Variants in BANK1 observed in about 807,000 individuals in gnomAD.
BANK1 encodes B cell scaffold protein with ankyrin repeats 1.
In BANK1, 95 loss-of-function variants were observed where a neutral mutation model predicts 94.5. That is an observed-to-expected ratio of 1.00 (90% CI 0.85 to 1.19). The LOEUF (loss-of-function observed/expected upper bound fraction) is 1.19. BANK1 is among the 50% of genes most tolerant of loss of function. The pLI is 0.00. For missense variants in BANK1, 987 were observed against 932.2 expected, an observed-to-expected ratio of 1.06 and a Z score of -0.77; for synonymous variants, 334 against 308.4, an observed-to-expected ratio of 1.08 and a Z score of -0.87.
rs1728374759 is a variant in BANK1 at position 102,060,319 on chromosome 4, C to T, written c.2078C>T (p.Ser693Phe). Residue 693 changes from serine to phenylalanine, a missense_variant, in exon 12 of 17, where the codon TCT becomes TTT. Coordinates refer to ENST00000322953, the MANE Select transcript of BANK1 (RefSeq NM_017935.5). ...GAGAAAGTAAAGAATGGGAAAATGTCTATGGATGAAGCTCTGGAGAAATTT... is the reference window on the plus strand; with the variant it reads ...GAGAAAGTAAAGAATGGGAAAATGTTTATGGATGAAGCTCTGGAGAAATTT... ...LQEKVKNGKM[S>F]MDEALEKFKH... 6.2e-7 allele frequency: 1 copy of T among 1,610,330 alleles called. No homozygotes were observed.
intron 7 of BANK1, among the ~76,000 whole-genome samples, chr4:101,984,594 T>C (rs1257859328): frequency 1.3e-5 from 2 of 152,102 alleles, no homozygotes; most frequent in Non-Finnish European, 1.5e-5. Context: ...GATAGTGTTA[T>C]GGAATAACAG....
chr4:102,060,130 A>G (rs1728363247), intron 11 of BANK1, 81 bp from the exon 12 acceptor site: 6 of 1,277,434 alleles, frequency 4.7e-6, no homozygotes, highest in Admixed American at 2.8e-5. Context: ...AGCTACTCCA[A>G]TGGCTTATTT....
At chr4:101,909,017 G>A (rs938756251) in intron 6 of BANK1, among the ~76,000 whole-genome samples, 1 of 152,188 alleles carries the variant, frequency 6.6e-6, no homozygotes, top group Non-Finnish European at 1.5e-5. Flanking sequence ...CAAGGATCTA[G>A]AACTAGAAAT....
chr4:101,872,490 C>T (rs1728328771), intron 5 of BANK1, among the ~76,000 whole-genome samples: 1 of 152,056 alleles, frequency 6.6e-6, no homozygotes, highest in Non-Finnish European at 1.5e-5. Flanking sequence ...GCATCTGGAC[C>T]ACACAGGGTA....
At chr4:101,965,979 C>A (rs961450764) in intron 7 of BANK1, among the ~76,000 whole-genome samples, 2 of 152,090 alleles carry the variant, frequency 1.3e-5, no homozygotes, top group Non-Finnish European at 2.9e-5. Flanking sequence ...GCTGCTTAAC[C>A]AAACCCAAAT....
intron 1 of BANK1, among the ~76,000 whole-genome samples, chr4:101,797,079 G>T (rs1220803400): frequency 1.3e-5 from 2 of 152,108 alleles, no homozygotes; most frequent in Non-Finnish European, 2.9e-5. Flanking sequence ...CTATTTTTCT[G>T]CAATGGAGTA....
intron 7 of BANK1, among the ~76,000 whole-genome samples, chr4:102,002,309 G>C (rs1430326306): frequency 6.6e-6 from 1 of 151,326 alleles, no homozygotes; most frequent in Non-Finnish European, 1.5e-5. Context: ...AATATTTCAT[G>C]TTTGATCTTG....
chr4:101,986,656 A>G (rs1725489926), intron 7 of BANK1, among the ~76,000 whole-genome samples: 1 of 151,384 alleles, frequency 6.6e-6, no homozygotes, highest in African/African-American at 2.4e-5. Context: ...CTACCCTATC[A>G]CCAATACCAC....
intron 13 of BANK1, among the ~76,000 whole-genome samples, chr4:102,065,093 G>A (rs1728547661): frequency 6.6e-6 from 1 of 152,222 alleles, no homozygotes; most frequent in Admixed American, 6.5e-5. Context: ...ACTAGAGGTT[G>A]AGCAGAGTTG....
intron 3 of BANK1, among the ~76,000 whole-genome samples, chr4:101,857,852 T>G (rs1347996322): frequency 1.3e-5 from 2 of 152,194 alleles, no homozygotes; most frequent in African/African-American, 2.4e-5. Flanking sequence ...TTACTTTCTA[T>G]AAGACTGGCA....
At chr4:101,907,218 G>T (rs182068706) in intron 6 of BANK1, among the ~76,000 whole-genome samples, 50 of 152,252 alleles carry the variant, frequency 3.3e-4, no homozygotes, top group African/African-American at 1.2e-3. Flanking sequence ...GATCAAGTGG[G>T]CTTCATCCCT....
intron 2 of BANK1, among the ~76,000 whole-genome samples, chr4:101,833,018 T>C (rs1288120787): frequency 1.3e-5 from 2 of 151,950 alleles, no homozygotes; most frequent in Non-Finnish European, 2.9e-5. Context: ...TTGCTCTTGT[T>C]GCCCAGGCTG....
At chr4:101,941,312 C>T (rs568531322) in intron 7 of BANK1, among the ~76,000 whole-genome samples, 4 of 151,686 alleles carry the variant, frequency 2.6e-5, no homozygotes, top group Non-Finnish European at 5.9e-5. Context: ...AATCATTTCT[C>T]AAGGAGCTCT....
intron 5 of BANK1, among the ~76,000 whole-genome samples, chr4:101,889,254 A>G (rs770807660): frequency 6.6e-6 from 1 of 152,066 alleles, no homozygotes; most frequent in Non-Finnish European, 1.5e-5. Context: ...TTGTATTGAT[A>G]TCTTTTTTTT....
At chr4:101,901,673 C>T (rs1020353511) in intron 6 of BANK1, among the ~76,000 whole-genome samples, 7 of 152,190 alleles carry the variant, frequency 4.6e-5, no homozygotes, top group Admixed American at 1.3e-4. Context: ...TGGGAGAACA[C>T]CAGCATTAAG....
At chr4:101,949,872 T>C (rs1724072546) in intron 7 of BANK1, among the ~76,000 whole-genome samples, 1 of 152,168 alleles carries the variant, frequency 6.6e-6, no homozygotes. Context: ...TTATCAAAGT[T>C]ACATTCTAGA....
chr4:102,052,113 C>CT (rs199811166), intron 11 of BANK1, among the ~76,000 whole-genome samples: 1,277 of 103,780 alleles, frequency 0.012, 15 homozygotes, highest in African/African-American at 0.025. Flanking sequence ...TTCTTTTTTT[C>CT]TTTTTTTTTT....
At chr4:101,815,296 C>G (rs1253298766) in intron 1 of BANK1, among the ~76,000 whole-genome samples, 1 of 152,088 alleles carries the variant, frequency 6.6e-6, no homozygotes, top group Non-Finnish European at 1.5e-5. Context: ...ATTCTGAATC[C>G]TGCCCCTCCA....
At chr4:101,830,456 C>G (rs1478064323) in intron 2 of BANK1, among the ~76,000 whole-genome samples, 3 of 152,000 alleles carry the variant, frequency 2.0e-5, no homozygotes, top group Admixed American at 6.6e-5. Flanking sequence ...TTAGGGCAGC[C>G]TGGATGAGAT....
Sources: allele counts gnomAD v4.1 joint callset (sites outside exome capture counted in the v4.1 genomes callset), GRCh38; gene constraint gnomAD v4.1.1; transcripts MANE v1.5; gene names NCBI Gene and HGNC (gene_info 2026-07-23, HGNC 2026-07-21).